Variants in GRIN2A observed in about 807,000 individuals in gnomAD.
GRIN2A encodes the protein glutamate ionotropic receptor NMDA type subunit 2A, also known as glutamate receptor ionotropic, NMDA 2A.
GRIN2A carries 22 observed loss-of-function variants against 113.4 expected under a neutral mutation model. That is an observed-to-expected ratio of 0.19 (90% CI 0.14 to 0.28). GRIN2A has a LOEUF of 0.28. Among genes scored for constraint, GRIN2A ranks in the 10% least tolerant of loss-of-function variants. The probability of loss-of-function intolerance (pLI) is 1.00; values close to 1 mark genes in which losing one functional copy is unlikely to be tolerated. For synonymous variants in GRIN2A, 827 were observed against 738.4 expected (o/e 1.12, Z -1.94); for missense variants, 1,502 against 1,887.0 (o/e 0.80, Z 3.78).
chr16:9,859,782 A>G (rs1056949308), intron 4 of GRIN2A, among the ~76,000 whole-genome samples: 2 of 151,880 alleles, frequency 1.3e-5, no homozygotes, highest in African/African-American at 4.8e-5. Flanking sequence ...CTGAAATCCT[A>G]CCCACTCTTT....
rs148336388 is a variant in GRIN2A, at chr16:9,829,752, A to G, written c.1778-100T>C. On this transcript the variant is annotated intron_variant, in intron 8 of 12. Transcript: ENST00000330684. ...GCCACCAGCAGCACCGAAGGTTGCC[A>G]GAAGATGGAATTATATCATAGTTGT... is the stretch of plus-strand genomic sequence containing the variant. The G allele has an allele frequency of 8.5e-5, 66 of 774,228 alleles. No homozygotes were observed. In the African/African-American group the frequency reaches 1.0e-3, roughly 12 times the overall value. 48.0% of individuals were successfully genotyped at this position (774,228 alleles called of 1,614,324 possible). A position where few individuals can be genotyped will look rare whatever the true frequency, so the allele number is the denominator to read the frequency against.
At chr16:10,043,411 G>C (rs1215875283) in intron 2 of GRIN2A, among the ~76,000 whole-genome samples, 2 of 152,180 alleles carry the variant, frequency 1.3e-5, no homozygotes, top group Non-Finnish European at 2.9e-5. Flanking sequence ...CACATCAGCA[G>C]CAAGCCCAAA....
chr16:9,880,997 G>A (rs1185468429), intron 4 of GRIN2A, among the ~76,000 whole-genome samples: 1 of 152,148 alleles, frequency 6.6e-6, no homozygotes, highest in Non-Finnish European at 1.5e-5. Context: ...GCAACCCTCA[G>A]ATATGACTTG....
chr16:10,056,528 T>C (rs2047459383), intron 2 of GRIN2A, among the ~76,000 whole-genome samples: 1 of 152,184 alleles, frequency 6.6e-6, no homozygotes. Context: ...CAAAAATTCA[T>C]GCTCACTCAG....
intron 11 of GRIN2A, among the ~76,000 whole-genome samples, chr16:9,797,069 T>A (rs1210550560): frequency 6.6e-6 from 1 of 152,252 alleles, no homozygotes; most frequent in Non-Finnish European, 1.5e-5. Context: ...CAAGTAATTG[T>A]GCACTTCATT....
chr16:10,018,713 C>A (rs1237114636), intron 2 of GRIN2A, among the ~76,000 whole-genome samples: 2 of 152,170 alleles, frequency 1.3e-5, no homozygotes, highest in Non-Finnish European at 2.9e-5. Context: ...TCACTCCCCA[C>A]ACACCGTGCA....
At chr16:10,157,743 T>C (rs1405033184) in intron 2 of GRIN2A, among the ~76,000 whole-genome samples, 6 of 152,248 alleles carry the variant, frequency 3.9e-5, no homozygotes. Flanking sequence ...CACTTGGGGA[T>C]TGCAATTCGA....
intron 2 of GRIN2A, among the ~76,000 whole-genome samples, chr16:10,139,521 C>G (rs1249674293): frequency 6.6e-6 from 1 of 152,330 alleles, no homozygotes; most frequent in African/African-American, 2.4e-5. Context: ...GCAATTTAAA[C>G]AAGACATCCC....
Position 9,782,659 on chromosome 16 carries a change from G to T in GRIN2A, c.2357-13570C>A, listed in dbSNP as rs116311922. Among the ~76,000 whole-genome samples the T allele has an allele frequency of 8.7e-3, 1,332 of 152,302 alleles. 25 individuals carry two copies. Among genetic ancestry groups the T allele is most frequent in the African/African-American group, 0.03 (1,261 of 41,556 alleles). On this transcript the variant is annotated intron_variant, in intron 11 of 12. Coordinates refer to ENST00000330684, the MANE Select transcript of GRIN2A (RefSeq NM_001134407.3). ...TGCTTGTCAGGCATGGGCCTGGCAT[G>T]CTGACCTTGTACTAATCCTGGTGTT...
At position 9,754,029 on chromosome 16, in the gene GRIN2A, C is replaced by G. The variant is rs563712145; in HGVS notation, c.*9120G>C. On this transcript the variant is annotated 3_prime_UTR_variant, in exon 13 of 13. Coordinates refer to ENST00000330684, the MANE Select transcript of GRIN2A (RefSeq NM_001134407.3). Reference sequence around the variant, plus strand: ...TATGCAACAAGTCATATTATTAATACGTGAGTGAAAAATGAATCATTTATC... The same window carrying G: ...TATGCAACAAGTCATATTATTAATAGGTGAGTGAAAAATGAATCATTTATC... The G allele has an allele frequency of 1.6e-5, 3 of 181,948 alleles. No homozygotes were observed. The highest frequency in any genetic ancestry group is 7.1e-5 in the African/African-American group (3 of 42,462). The allele number at this position is 181,948 out of a possible 1,614,324, so 11.3% of individuals were successfully genotyped here. A position where few individuals can be genotyped will look rare whatever the true frequency, so the allele number is the denominator to read the frequency against.
chr16:9,820,127 T>C (rs1403952480), intron 10 of GRIN2A, among the ~76,000 whole-genome samples: 5 of 152,032 alleles, frequency 3.3e-5, no homozygotes. Flanking sequence ...ACGAATGGTT[T>C]CCATTTCTCT....
intron 4 of GRIN2A, among the ~76,000 whole-genome samples, chr16:9,854,416 G>A (rs895386795): frequency 6.6e-6 from 1 of 152,082 alleles, no homozygotes; most frequent in African/African-American, 2.4e-5. Flanking sequence ...AGAGTATTCA[G>A]GGAGAAAGAA....
intron 2 of GRIN2A, among the ~76,000 whole-genome samples, chr16:9,951,391 G>C (rs2045175497): frequency 6.6e-6 from 1 of 152,202 alleles, no homozygotes; most frequent in Non-Finnish European, 1.5e-5. Flanking sequence ...ACCAAATACA[G>C]AATATCATCT....
intron 2 of GRIN2A, among the ~76,000 whole-genome samples, chr16:9,978,874 C>T (rs1402600726): frequency 6.6e-6 from 1 of 152,166 alleles, no homozygotes; most frequent in African/African-American, 2.4e-5. Flanking sequence ...CTCAGCAAGA[C>T]AGAGGGAGAG....
At chr16:10,012,898 G>C (rs2046534658) in intron 2 of GRIN2A, among the ~76,000 whole-genome samples, 1 of 152,174 alleles carries the variant, frequency 6.6e-6, no homozygotes, top group Non-Finnish European at 1.5e-5. Context: ...ATTATTTTAA[G>C]CCAGTAAGTT....
intron 3 of GRIN2A, among the ~76,000 whole-genome samples, chr16:9,933,106 TA>T (rs1292876294): frequency 6.6e-6 from 1 of 152,254 alleles, no homozygotes; most frequent in African/African-American, 2.4e-5. Context: ...AAGGAGGTTA[TA>T]TAACATGGCT....
rs145495027 is a variant in GRIN2A, at chr16:9,768,952, G to T, written c.2494C>A (p.Leu832Ile). ...AGGTGCTCCCAGATGAAGGTGATGA[G>T]GCTAAGGGCCATGGCGGCAGCCAGC... is the stretch of plus-strand genomic sequence containing the variant. Reference protein sequence around the residue: ...YMLAAAMALSLITFIWEHLFY... With the variant: ...YMLAAAMALSIITFIWEHLFY... Residue 832 changes from leucine to isoleucine, a missense_variant, in exon 12 of 13, where the codon CTC becomes ATC. Physicochemically the swap from Leu to Ile is conservative, Grantham distance 5. Transcript: ENST00000330684. 4.3e-6 allele frequency: 7 copies of T among 1,614,088 alleles called. No homozygotes were observed. Among genetic ancestry groups the T allele is most frequent in the Non-Finnish European group, 5.9e-6 (7 of 1,180,018 alleles).
chr16:9,896,934 G>A (rs13338500), intron 3 of GRIN2A, among the ~76,000 whole-genome samples: 49,088 of 152,082 alleles, frequency 0.32, 9,957 homozygotes, highest in African/African-American at 0.58. Flanking sequence ...GTAAAATCTT[G>A]TCATTGTTTT....
chr16:10,036,907 C>T (rs1319853498), intron 2 of GRIN2A: 2 of 152,144 alleles, frequency 1.3e-5, no homozygotes, highest in African/African-American at 4.8e-5. Context: ...TGTAAAGACC[C>T]TCTCTCCAAA....
Sources: allele counts gnomAD v4.1 joint callset (sites outside exome capture counted in the v4.1 genomes callset), GRCh38; gene constraint gnomAD v4.1.1; transcripts MANE v1.5; gene names NCBI Gene and HGNC (gene_info 2026-07-23, HGNC 2026-07-21).